Variants in MTAP observed in about 807,000 individuals in gnomAD.
MTAP encodes methylthioadenosine phosphorylase.
MTAP carries 33 observed loss-of-function variants against 33.6 expected under a neutral mutation model. That is an observed-to-expected ratio of 0.98 (90% confidence interval 0.74 to 1.31). The LOEUF is 1.31. Among genes scored for constraint, MTAP ranks in the 40% most tolerant of loss-of-function variants. MTAP has a pLI of 0.00. For missense variants in MTAP, 367 were observed against 360.0 expected (o/e 1.02, Z -0.16); for synonymous variants, 148 against 125.7 (o/e 1.18, Z -1.19).
intron 1 of MTAP, among the ~76,000 whole-genome samples, chr9:21,926,678 G>T (rs1818874703): frequency 6.6e-6 from 1 of 152,174 alleles, no homozygotes; most frequent in Non-Finnish European, 1.5e-5. Flanking sequence ...AACTCTTGAG[G>T]GTTGAGGGTG....
rs747423719 is a variant in MTAP at position 21,854,585 on chromosome 9, G to C, written c.451-46G>C. On this transcript the variant is annotated intron_variant, in intron 5 of 7. Transcript: ENST00000644715. Reference sequence around the variant, plus strand: ...TTGGGGGGAAGTGCAGCCTTAAGTTGTGCATGTGCTAGTATGTTTTGAAGT... The same window carrying C: ...TTGGGGGGAAGTGCAGCCTTAAGTTCTGCATGTGCTAGTATGTTTTGAAGT... 2.7e-6 allele frequency: 4 copies of C among 1,504,942 alleles called. No homozygotes were observed. In the Admixed American group the frequency reaches 6.8e-5, roughly 25 times the overall value. The allele number at this position is 1,504,942 out of a possible 1,614,324, so 93.2% of individuals were successfully genotyped here. A position where few individuals can be genotyped will look rare whatever the true frequency, so the allele number is the denominator to read the frequency against.
intron 1 of MTAP, among the ~76,000 whole-genome samples, chr9:21,918,545 T>A (rs1241374742): frequency 6.6e-6 from 1 of 151,962 alleles, no homozygotes; most frequent in Non-Finnish European, 1.5e-5. Context: ...CCCCAAAAAC[T>A]ATTGAAATTA....
intron 4 of MTAP, among the ~76,000 whole-genome samples, chr9:21,828,085 CA>C (rs1383271470): frequency 6.6e-6 from 1 of 152,188 alleles, no homozygotes; most frequent in Non-Finnish European, 1.5e-5. Context: ...GCAGTTGGGT[CA>C]GAAGATGGAG....
intron 1 of MTAP, among the ~76,000 whole-genome samples, chr9:21,910,661 G>C (rs1431542588): frequency 6.6e-6 from 1 of 152,132 alleles, no homozygotes; most frequent in East Asian, 1.9e-4. Flanking sequence ...ATTGTGGGGG[G>C]AGTCCTTGTT....
intron 1 of MTAP, chr9:21,893,616 A>T (rs565783628): frequency 1.3e-4 from 20 of 152,254 alleles, no homozygotes; most frequent in Middle Eastern, 3.4e-3. Flanking sequence ...AGACTAAATG[A>T]ACACTTCTGT....
chr9:21,815,601 A>AAAC, intron 2 of MTAP, 82 bp downstream of exon 2: 1 of 1,065,562 alleles, frequency 9.4e-7, no homozygotes, highest in Admixed American at 2.2e-5. Flanking sequence ...AAAAAAAAAA[A>AAAC]AAAGAATTGC....
At chr9:21,840,707 A>G (rs967071233) in intron 5 of MTAP, among the ~76,000 whole-genome samples, 1 of 152,214 alleles carries the variant, frequency 6.6e-6, no homozygotes, top group African/African-American at 2.4e-5. Flanking sequence ...GGAAGCTCCC[A>G]AATGAAATCA....
intron 1 of MTAP, among the ~76,000 whole-genome samples, chr9:21,880,910 C>T (rs73440434): frequency 0.029 from 4,455 of 151,954 alleles, 178 homozygotes; most frequent in African/African-American, 0.081. Context: ...TAAAAATTCA[C>T]TCTAAAATTT....
intron 5 of MTAP, among the ~76,000 whole-genome samples, chr9:21,841,576 A>G (rs894335179): frequency 6.6e-6 from 1 of 151,770 alleles, no homozygotes; most frequent in Non-Finnish European, 1.5e-5. Context: ...CACAGCTTGG[A>G]GACCTGAAGA....
chr9:21,817,738 C>G (rs943691856), intron 3 of MTAP, among the ~76,000 whole-genome samples: 1 of 152,002 alleles, frequency 6.6e-6, no homozygotes, highest in Non-Finnish European at 1.5e-5. Flanking sequence ...GCACGTTTAC[C>G]ATTTTTCTAT....
intron 1 of MTAP, among the ~76,000 whole-genome samples, chr9:21,873,017 T>C (rs1014339325): frequency 6.6e-6 from 1 of 152,194 alleles, no homozygotes; most frequent in African/African-American, 2.4e-5. Flanking sequence ...GGTTCCTTGA[T>C]GTTACTAGAG....
chr9:21,862,364 G>A lies in MTAP; in HGVS notation c.*350G>A. On this transcript the variant is annotated 3_prime_UTR_variant, in exon 8 of 8. Coordinates refer to ENST00000644715, the MANE Select transcript of MTAP (RefSeq NM_002451.4). ...CTATACTGCCAAAGAATGTGAGGAA[G>A]AAATGGGACTCTTTGGTTATTTATT... is the stretch of plus-strand genomic sequence containing the variant. 1 of 191,292 alleles carries A rather than the reference G, an allele frequency of 5.2e-6. No homozygotes were observed. The highest frequency in any genetic ancestry group is 1.0e-5 in the Non-Finnish European group (1 of 96,396). The allele number at this position is 191,292 out of a possible 1,614,324, so 11.8% of individuals were successfully genotyped here.
chr9:21,845,080 T>C (rs894478606), intron 5 of MTAP, among the ~76,000 whole-genome samples: 1 of 151,250 alleles, frequency 6.6e-6, no homozygotes, highest in Non-Finnish European at 1.5e-5. Context: ...AGTGTTATAT[T>C]GAACAGGGAA....
rs1825844902 is a variant in MTAP at position 21,865,837 on chromosome 9, T to G, written c.*3823T>G. On this transcript the variant is annotated 3_prime_UTR_variant, in exon 8 of 8. Coordinates refer to ENST00000644715, the MANE Select transcript of MTAP (RefSeq NM_002451.4). ...ACTCATGTTGCATGCATCTGTAGCT[T>G]GTGCCTTTTTTATTGCCTAGTAGTA... 3 of 982,184 alleles carry G rather than the reference T, an allele frequency of 3.1e-6. No homozygotes were observed. Among genetic ancestry groups the G allele is most frequent in the Non-Finnish European group, 3.6e-6 (3 of 823,898 alleles). The allele number at this position is 982,184 out of a possible 1,614,324, so 60.8% of individuals were successfully genotyped here. A position where few individuals can be genotyped will look rare whatever the true frequency, so the allele number is the denominator to read the frequency against.
intron 1 of MTAP, among the ~76,000 whole-genome samples, chr9:21,884,859 G>A (rs527505218): frequency 1.3e-5 from 2 of 152,184 alleles, no homozygotes; most frequent in Admixed American, 1.3e-4. Flanking sequence ...TTTATATCAA[G>A]TCCCCAACTA....
At chr9:21,898,025 A>G (rs539425282) in intron 1 of MTAP, among the ~76,000 whole-genome samples, 22 of 152,366 alleles carry the variant, frequency 1.4e-4, no homozygotes, top group Non-Finnish European at 2.9e-4. Flanking sequence ...TACTGGTACC[A>G]AAACAGAGAT....
At chr9:21,830,194 C>G (rs564414084) in intron 4 of MTAP, among the ~76,000 whole-genome samples, 157 of 152,310 alleles carry the variant, frequency 1.0e-3, no homozygotes, top group Middle Eastern at 3.4e-3. Flanking sequence ...AACTTAAATT[C>G]CAAAAGAATG....
intron 1 of MTAP, among the ~76,000 whole-genome samples, chr9:21,882,490 T>C (rs1818031395): frequency 6.6e-6 from 1 of 152,034 alleles, no homozygotes; most frequent in Non-Finnish European, 1.5e-5. Flanking sequence ...AACTGATCTA[T>C]GTATTCAACA....
At chr9:21,890,408 C>CAT (rs1310088405) in intron 1 of MTAP, among the ~76,000 whole-genome samples, 2 of 152,208 alleles carry the variant, frequency 1.3e-5, no homozygotes, top group African/African-American at 4.8e-5. Flanking sequence ...TCTCACCTGC[C>CAT]ATGGCTTCTG....
Sources: allele counts gnomAD v4.1 joint callset (sites outside exome capture counted in the v4.1 genomes callset), GRCh38; gene constraint gnomAD v4.1.1; transcripts MANE v1.5; gene names NCBI Gene and HGNC (gene_info 2026-07-23, HGNC 2026-07-21).